The following PRKAR1A variants were observed in gnomAD, a reference collection of about 807,000 sequenced individuals.
PRKAR1A encodes protein kinase cAMP-dependent type I regulatory subunit alpha.
A neutral mutation model predicts 52.0 loss-of-function variants in PRKAR1A; 3 were observed. That is an observed-to-expected ratio of 0.06 (90% CI 0.03 to 0.15). The LOEUF (loss-of-function observed/expected upper bound fraction) is 0.15, where lower values mean the gene tolerates loss of function less well. Ranked by LOEUF, PRKAR1A falls within the 10% of genes least tolerant of loss-of-function variation. PRKAR1A has a pLI of 1.00. For missense variants in PRKAR1A, 240 were observed against 477.4 expected (o/e 0.50, Z 4.63); for synonymous variants, 188 against 168.4 (o/e 1.12, Z -0.90).
upstream of PRKAR1A, chr17:68,512,336 C>T (rs1015552807): frequency 6.5e-6 from 1 of 152,932 alleles, no homozygotes; most frequent in African/African-American, 2.4e-5. Context: ...GCTGTTGCGC[C>T]CTTAAGGTTG....
chr17:68,454,989 T>C, the PRKAR1A span, among the ~76,000 whole-genome samples: 1 of 152,192 alleles, frequency 6.6e-6, no homozygotes, highest in Non-Finnish European at 1.5e-5. Context: ...ATAAAGTCTT[T>C]CTGTAGAAAC....
chr17:68,502,079 T>C, the PRKAR1A span, among the ~76,000 whole-genome samples: 1 of 152,210 alleles, frequency 6.6e-6, no homozygotes, highest in Non-Finnish European at 1.5e-5. Flanking sequence ...CTTACTTGGA[T>C]CATTGCAACA....
the PRKAR1A span, chr17:68,450,765 T>C: frequency 1.2e-6 from 2 of 1,613,180 alleles, no homozygotes; most frequent in South Asian, 1.1e-5. Context: ...GTTGCTGGAG[T>C]AGCTGTAATT....
At chr17:68,457,335 A>C in the PRKAR1A span, 3 of 1,545,338 alleles carry the variant, frequency 1.9e-6, no homozygotes, top group Non-Finnish European at 2.6e-6. Context: ...GCCGAGTCGC[A>C]GCTTACGTGC....
chr17:68,539,234 T>G, intron 11 of PRKAR1A: 2 of 1,094,878 alleles, frequency 1.8e-6, no homozygotes, highest in South Asian at 2.6e-5. Context: ...CCCACTTACG[T>G]CCTGGACCAG....
the PRKAR1A span, among the ~76,000 whole-genome samples, chr17:68,466,051 G>C: frequency 6.6e-6 from 1 of 152,128 alleles, no homozygotes; most frequent in Non-Finnish European, 1.5e-5. Context: ...AGTGTAACTT[G>C]GGTTTCCCCT....
At chr17:68,489,627 T>C in the PRKAR1A span, among the ~76,000 whole-genome samples, 6 of 151,746 alleles carry the variant, frequency 4.0e-5, no homozygotes, top group South Asian at 1.2e-3. Context: ...CTCAGCTCAC[T>C]GCAACCTCTG....
chr17:68,539,239 G>T, intron 11 of PRKAR1A: 3 of 1,151,744 alleles, frequency 2.6e-6, no homozygotes, highest in East Asian at 2.4e-5. Context: ...TTACGTCCTG[G>T]ACCAGTGAAA....
At chr17:68,476,802 A>C in the PRKAR1A span, among the ~76,000 whole-genome samples, 1 of 152,014 alleles carries the variant, frequency 6.6e-6, no homozygotes, top group Non-Finnish European at 1.5e-5. Flanking sequence ...AGCTGGGACT[A>C]CAGGTGTGTG....
chr17:68,517,856 C>T (rs540971961), intron 2 of PRKAR1A, among the ~76,000 whole-genome samples: 1 of 152,316 alleles, frequency 6.6e-6, no homozygotes, highest in South Asian at 2.1e-4. Context: ...AAGTCCCTTC[C>T]ACCTATGAGC....
chr17:68,457,749 G>A, the PRKAR1A span, among the ~76,000 whole-genome samples: 35 of 152,106 alleles, frequency 2.3e-4, no homozygotes, highest in Middle Eastern at 0.014. Context: ...GCCAATCCGT[G>A]GCAGCTGTGG....
At chr17:68,472,005 T>C in the PRKAR1A span, among the ~76,000 whole-genome samples, 3 of 152,312 alleles carry the variant, frequency 2.0e-5, no homozygotes, top group East Asian at 3.9e-4. Flanking sequence ...GGTTTTACCA[T>C]GTTGGCCAGA....
chr17:68,441,693 G>A, the PRKAR1A span, among the ~76,000 whole-genome samples: 5 of 152,272 alleles, frequency 3.3e-5, no homozygotes, highest in African/African-American at 7.2e-5. Context: ...TGGACAGGGC[G>A]GACCCACCTT....
chr17:68,439,595 G>T, the PRKAR1A span, among the ~76,000 whole-genome samples: 12 of 152,174 alleles, frequency 7.9e-5, no homozygotes. Context: ...ATTGAACCAT[G>T]CATTTTAAAC....
intron 5 of PRKAR1A, 56 bp downstream of exon 5, chr17:68,524,133 AT>A: frequency 6.3e-7 from 1 of 1,584,474 alleles, no homozygotes; most frequent in Non-Finnish European, 8.7e-7. Flanking sequence ...AGACTAGAGG[AT>A]TTTTTTGGTT....
chr17:68,426,838 T>C, the PRKAR1A span, among the ~76,000 whole-genome samples: 52 of 152,314 alleles, frequency 3.4e-4, no homozygotes, highest in African/African-American at 1.1e-3. Flanking sequence ...CCTGGCCTCA[T>C]TGGAATTTTT....
chr17:68,548,734 T>C lies in PRKAR1A; in HGVS notation c.974-2350T>C, dbSNP rs1233500074. ...CGAGCTATGCCTGTATATTTTTTTTTTTTTTTTTTTTTTTTTGAGACAGAA... is the reference window on the plus strand; with the variant it reads ...CGAGCTATGCCTGTATATTTTTTTTCTTTTTTTTTTTTTTTTGAGACAGAA... On this transcript the variant is annotated intron_variant, in intron 11 of 11. Transcript: ENST00000585981. 5.7e-5 allele frequency among the ~76,000 whole-genome samples: 8 copies of C among 140,374 alleles called. 1 individual carries two copies. The South Asian group carries it at 9.8e-4, about 17-fold the overall frequency. 92.1% of individuals were successfully genotyped at this position (140,374 alleles called of 152,430 possible). A position where few individuals can be genotyped will look rare whatever the true frequency, so the allele number is the denominator to read the frequency against.
the PRKAR1A span, among the ~76,000 whole-genome samples, chr17:68,483,725 G>A: frequency 5.9e-5 from 9 of 152,068 alleles, no homozygotes; most frequent in African/African-American, 9.7e-5. Context: ...GTTGGGTGTG[G>A]TGGCGCATGC....
chr17:68,448,667 C>T, the PRKAR1A span, among the ~76,000 whole-genome samples: 15 of 152,096 alleles, frequency 9.9e-5, no homozygotes, highest in Non-Finnish European at 2.2e-4. Flanking sequence ...TTGAGGGTTC[C>T]GGTCTTTACA....
Sources: allele counts gnomAD v4.1 joint callset (sites outside exome capture counted in the v4.1 genomes callset), GRCh38; gene constraint gnomAD v4.1.1; transcripts MANE v1.5; gene names NCBI Gene and HGNC (gene_info 2026-07-23, HGNC 2026-07-21).